C8orf34: variants seen among roughly 807,000 people sequenced by gnomAD.
The protein encoded by C8orf34 is uncharacterized protein C8orf34.
C8orf34 carries 65 observed loss-of-function variants against 68.3 expected under a neutral mutation model. The observed-to-expected ratio is 0.95, with a 90% CI of 0.78 to 1.17. The LOEUF is 1.17. Ranked by LOEUF, C8orf34 falls within the 50% of genes most tolerant of loss-of-function variation. The probability of loss-of-function intolerance (pLI) is 0.00; values close to 1 mark genes in which losing one functional copy is unlikely to be tolerated. For synonymous variants in C8orf34, 244 were observed against 241.2 expected (o/e 1.01, Z -0.11); for missense variants, 664 against 655.4 (o/e 1.01, Z -0.14).
chr8:68,439,168 G>T (rs958711871), intron 1 of C8orf34: 4 of 169,498 alleles, frequency 2.4e-5, no homozygotes, highest in Non-Finnish European at 3.8e-5. Context: ...GCAAACTGAA[G>T]TTTAAAATTC....
intron 8 of C8orf34, among the ~76,000 whole-genome samples, chr8:68,678,630 A>G (rs1457445981): frequency 6.6e-6 from 1 of 152,158 alleles, no homozygotes; most frequent in African/African-American, 2.4e-5. Flanking sequence ...ACCCACAGCT[A>G]GTAGTATACT....
At chr8:68,421,784 C>T (rs1809986002) in intron 1 of C8orf34, among the ~76,000 whole-genome samples, 1 of 152,172 alleles carries the variant, frequency 6.6e-6, no homozygotes, top group Non-Finnish European at 1.5e-5. Context: ...TGAAGAAATA[C>T]ATGAGACTGG....
chr8:68,639,428 C>T (rs1355408321), intron 7 of C8orf34, among the ~76,000 whole-genome samples: 3 of 151,992 alleles, frequency 2.0e-5, no homozygotes, highest in South Asian at 4.2e-4. Flanking sequence ...ATTTGACACT[C>T]ATTTGTAATA....
At chr8:68,610,419 T>A (rs1391641681) in intron 7 of C8orf34, among the ~76,000 whole-genome samples, 2 of 152,192 alleles carry the variant, frequency 1.3e-5, no homozygotes, top group African/African-American at 4.8e-5. Context: ...TACCTGGCTC[T>A]CTGATTCATT....
intron 8 of C8orf34, among the ~76,000 whole-genome samples, chr8:68,647,099 A>G (rs574365688): frequency 3.5e-4 from 53 of 152,346 alleles, no homozygotes; most frequent in African/African-American, 1.2e-3. Flanking sequence ...CAATAACTAG[A>G]AAGCAAAGAA....
At chr8:68,625,572 A>C (rs1186020195) in intron 7 of C8orf34, 1 of 700,226 alleles carries the variant, frequency 1.4e-6, no homozygotes, top group South Asian at 1.5e-5. Context: ...AGAAAGCAAC[A>C]CAGAATGGAA....
At chr8:68,672,138 A>T (rs1820031876) in intron 8 of C8orf34, among the ~76,000 whole-genome samples, 1 of 152,204 alleles carries the variant, frequency 6.6e-6, no homozygotes, top group African/African-American at 2.4e-5. Flanking sequence ...TGAAACAAAG[A>T]AAGAGGAGTG....
At chr8:68,726,158 C>T (rs1312665164) in intron 10 of C8orf34, among the ~76,000 whole-genome samples, 3 of 152,186 alleles carry the variant, frequency 2.0e-5, no homozygotes, top group Admixed American at 6.5e-5. Flanking sequence ...ATCCGCCCGC[C>T]TCGGCCTCCC....
chr8:68,709,807 G>A (rs1821279951), intron 9 of C8orf34, among the ~76,000 whole-genome samples: 1 of 152,058 alleles, frequency 6.6e-6, no homozygotes, highest in Non-Finnish European at 1.5e-5. Flanking sequence ...AACAATATCA[G>A]AGCAATTCAA....
chr8:68,474,715 A>G (rs1387183864), intron 4 of C8orf34, among the ~76,000 whole-genome samples: 1 of 152,214 alleles, frequency 6.6e-6, no homozygotes, highest in Non-Finnish European at 1.5e-5. Flanking sequence ...TCATTCTACC[A>G]TCTTCAACAC....
chr8:68,330,863 C>T, upstream of C8orf34: 2 of 625,222 alleles, frequency 3.2e-6, no homozygotes, highest in Non-Finnish European at 5.0e-6. Context: ...CCTGTCCGCC[C>T]GCGTGCGCCC....
chr8:68,673,299 A>T (rs1295628839), intron 8 of C8orf34, among the ~76,000 whole-genome samples: 1 of 151,696 alleles, frequency 6.6e-6, no homozygotes, highest in Admixed American at 6.6e-5. Context: ...GCCACACCTA[A>T]TTGTGGACCC....
chr8:68,569,173 G>C (rs1042395545), intron 7 of C8orf34, among the ~76,000 whole-genome samples: 1 of 152,154 alleles, frequency 6.6e-6, no homozygotes, highest in African/African-American at 2.4e-5. Flanking sequence ...CCCTTACTAA[G>C]AAAAGAAACC....
intron 7 of C8orf34, among the ~76,000 whole-genome samples, chr8:68,537,149 A>G (rs948943848): frequency 1.2e-4 from 19 of 152,222 alleles, no homozygotes; most frequent in African/African-American, 2.9e-4. Context: ...AAGAACAAGC[A>G]TTTTGCCTAA....
At chr8:68,463,375 G>A (rs1211839702) in intron 3 of C8orf34, among the ~76,000 whole-genome samples, 1 of 151,950 alleles carries the variant, frequency 6.6e-6, no homozygotes, top group Admixed American at 6.6e-5. Context: ...AGGAGGAACT[G>A]GTACCATTCC....
chr8:68,530,117 A>G (rs1288690744), intron 6 of C8orf34, among the ~76,000 whole-genome samples: 1 of 152,080 alleles, frequency 6.6e-6, no homozygotes, highest in East Asian at 1.9e-4. Context: ...TATAAAATTT[A>G]AAGTTATGAA....
At chr8:68,711,638 A>C (rs1214010833) in intron 9 of C8orf34, among the ~76,000 whole-genome samples, 1 of 152,140 alleles carries the variant, frequency 6.6e-6, no homozygotes, top group Admixed American at 6.5e-5. Flanking sequence ...AATTTTAAAA[A>C]CATGAACAAA....
chr8:68,704,651 C>T (rs1821114212), intron 8 of C8orf34, among the ~76,000 whole-genome samples: 1 of 152,062 alleles, frequency 6.6e-6, no homozygotes, highest in Non-Finnish European at 1.5e-5. Flanking sequence ...AGATCACATC[C>T]ACCCACAACT....
intron 8 of C8orf34, among the ~76,000 whole-genome samples, chr8:68,653,432 A>G (rs1179642008): frequency 1.3e-5 from 2 of 152,218 alleles, no homozygotes; most frequent in Non-Finnish European, 2.9e-5. Flanking sequence ...GCTAATTTAC[A>G]TTCTAAAATC....
Sources: allele counts gnomAD v4.1 joint callset (sites outside exome capture counted in the v4.1 genomes callset), GRCh38; gene constraint gnomAD v4.1.1; transcripts MANE v1.5; gene names NCBI Gene and HGNC (gene_info 2026-07-23, HGNC 2026-07-21).